Variants in HDAC8 observed in about 807,000 individuals in gnomAD.
HDAC8 encodes the protein histone deacetylase-like 1.
A neutral mutation model predicts 32.2 loss-of-function variants in HDAC8; 1 was observed. The ratio of observed to expected loss-of-function variants is 0.03; its 90% CI spans 0.01 to 0.15. The LOEUF is 0.15. Ranked by LOEUF, HDAC8 falls within the 10% of genes least tolerant of loss-of-function variation. The pLI is 1.00. For missense variants in HDAC8, 117 were observed against 300.0 expected (o/e 0.39, Z 4.51); for synonymous variants, 108 against 113.9 (o/e 0.95, Z 0.33).
At chrX:72,452,586 T>C (rs2047599895) in intron 9 of HDAC8, among the ~76,000 whole-genome samples, 1 of 111,897 alleles carries the variant, frequency 8.9e-6, no homozygotes, top group African/African-American at 3.2e-5. Context: ...GGGTAGTACA[T>C]TCAAAGCAGG....
At chrX:72,541,588 C>A (rs1297157364) in intron 4 of HDAC8, among the ~76,000 whole-genome samples, 2 of 111,768 alleles carry the variant, frequency 1.8e-5, no homozygotes, top group African/African-American at 6.5e-5. Flanking sequence ...AGGCTAGAAG[C>A]AGGAACGCTA....
rs188459227 is a variant in HDAC8 at position 72,342,629 on chromosome X, T to C, written c.1111+9104A>G. On this transcript the variant is annotated intron_variant, in intron 10 of 10. Transcript: ENST00000373573. ...ATGAGCAATACAATCGCTTTGGGCA[T>C]GTACTTCGGGCACACAAGAAAAAAA... Among the ~76,000 whole-genome samples the C allele has an allele frequency of 2.5e-3, 282 of 112,314 alleles. 1 individual carries two copies. The highest frequency in any genetic ancestry group is 8.9e-3 in the African/African-American group (276 of 30,948).
At chrX:72,488,789 A>T in intron 7 of HDAC8, 144 bp downstream of exon 7, 1 of 340,470 alleles carries the variant, frequency 2.9e-6, no homozygotes, top group South Asian at 1.0e-4. Context: ...CTGATCAAAT[A>T]AGCATAATGA....
At chrX:72,489,134 G>T in intron 6 of HDAC8, 93 bp from the exon 7 acceptor site, 1 of 550,189 alleles carries the variant, frequency 1.8e-6, no homozygotes, top group Non-Finnish European at 2.9e-6. Flanking sequence ...TCTAGGGAAA[G>T]AAATTAAGAA....
intron 10 of HDAC8, among the ~76,000 whole-genome samples, chrX:72,346,701 C>T (rs371672181): frequency 9.5e-6 from 1 of 105,460 alleles, no homozygotes; most frequent in Non-Finnish European, 1.9e-5. Flanking sequence ...CTTCTCCTAC[C>T]TTCTGTCCAT....
At chrX:72,416,173 T>C (rs1397765477) in intron 9 of HDAC8, among the ~76,000 whole-genome samples, 1 of 110,747 alleles carries the variant, frequency 9.0e-6, no homozygotes, top group Non-Finnish European at 1.9e-5. Context: ...AGTTCATTTA[T>C]TGAGGAGTTT....
At chrX:72,569,246 T>G (rs1361046085) in intron 2 of HDAC8, among the ~76,000 whole-genome samples, 3 of 112,373 alleles carry the variant, frequency 2.7e-5, no homozygotes, top group Non-Finnish European at 5.6e-5. Context: ...TTTGAACCAG[T>G]TGCGAATTGG....
In HDAC8 at chrX:72,491,613, T is replaced by C. The variant is rs781804230; in HGVS notation, c.551-607A>G. Among the ~76,000 whole-genome samples, 8 of 112,303 alleles carry C rather than the reference T, an allele frequency of 7.1e-5. No individual in the cohort carries two copies. The South Asian group carries it at 1.1e-3, about 16-fold the overall frequency. On this transcript the variant is annotated intron_variant, in intron 5 of 10. Transcript: ENST00000373573. ...AAACATGGAAGGCTGAAAACAGCCG[T>C]GACCTTGTCTCCTAATAGCAGCCTT...
intron 7 of HDAC8, among the ~76,000 whole-genome samples, chrX:72,470,069 A>C (rs1271360413): frequency 9.1e-6 from 1 of 109,763 alleles, no homozygotes; most frequent in African/African-American, 3.3e-5. Flanking sequence ...AATCGCATGA[A>C]CCTGGGAGGC....
chrX:72,532,238 C>A (rs1169002821), intron 4 of HDAC8, among the ~76,000 whole-genome samples: 1 of 100,127 alleles, frequency 1.0e-5, no homozygotes, highest in African/African-American at 3.6e-5. Context: ...GCATGCACCA[C>A]CGTGTTGGGC....
At chrX:72,427,391 TATACACCATGGA>T (rs1555975798) in intron 9 of HDAC8, among the ~76,000 whole-genome samples, 1 of 110,747 alleles carries the variant, frequency 9.0e-6, no homozygotes, top group Admixed American at 9.6e-5. Flanking sequence ...ATGTGGCACA[TATACACCATGGA>T]ATACTATGCA....
chrX:72,475,814 C>G (rs1556000276), intron 7 of HDAC8, among the ~76,000 whole-genome samples: 1 of 111,621 alleles, frequency 9.0e-6, no homozygotes, highest in African/African-American at 3.3e-5. Context: ...CTTAAACTCC[C>G]AAACCAACCA....
intron 9 of HDAC8, among the ~76,000 whole-genome samples, chrX:72,453,499 A>G (rs868981293): frequency 3.7e-5 from 4 of 107,662 alleles, no homozygotes; most frequent in African/African-American, 1.0e-4. Flanking sequence ...AAAGAAAGAA[A>G]GAAAGAAAGA....
At chrX:72,481,737 G>T (rs2048513450) in intron 7 of HDAC8, among the ~76,000 whole-genome samples, 1 of 108,786 alleles carries the variant, frequency 9.2e-6, no homozygotes, top group Admixed American at 9.8e-5. Flanking sequence ...CTAAGTAGCT[G>T]GGATTATAGG....
intron 9 of HDAC8, among the ~76,000 whole-genome samples, chrX:72,386,593 C>T (rs192576069): frequency 8.1e-5 from 9 of 111,389 alleles, no homozygotes; most frequent in Admixed American, 4.8e-4. Context: ...CTTATGAACC[C>T]GGTACAGTTC....
chrX:72,400,706 T>G (rs1439540250), intron 9 of HDAC8, among the ~76,000 whole-genome samples: 3 of 112,411 alleles, frequency 2.7e-5, no homozygotes, highest in African/African-American at 9.7e-5. Flanking sequence ...CATAGGGTTA[T>G]GCAACTCTCA....
intron 4 of HDAC8, among the ~76,000 whole-genome samples, chrX:72,514,896 T>C (rs1034616402): frequency 3.6e-5 from 4 of 111,652 alleles, no homozygotes; most frequent in Non-Finnish European, 7.5e-5. Flanking sequence ...TGAGAAATAA[T>C]CTTTTTTTAA....
At chrX:72,545,229 A>G (rs1444151105) in intron 4 of HDAC8, among the ~76,000 whole-genome samples, 1 of 111,965 alleles carries the variant, frequency 8.9e-6, no homozygotes, top group Non-Finnish European at 1.9e-5. Context: ...CATATGGACA[A>G]AGGGTAGTGG....
chrX:72,554,667 C>T (rs1385459991), intron 4 of HDAC8, among the ~76,000 whole-genome samples: 2 of 111,597 alleles, frequency 1.8e-5, no homozygotes, highest in Non-Finnish European at 3.8e-5. Flanking sequence ...CATAATCCCC[C>T]TGGGAATGTA....
Sources: allele counts gnomAD v4.1 joint callset (sites outside exome capture counted in the v4.1 genomes callset), GRCh38; gene constraint gnomAD v4.1.1; transcripts MANE v1.5; gene names NCBI Gene and HGNC (gene_info 2026-07-23, HGNC 2026-07-21).